DIP2C: variants seen among roughly 807,000 people sequenced by gnomAD.
DIP2C encodes DIP2 acetate--CoA ligase C (putative), also known as disco-interacting protein 2 homolog C.
A neutral mutation model predicts 192.4 loss-of-function variants in DIP2C; 33 were observed. The ratio of observed to expected loss-of-function variants is 0.17; its 90% CI spans 0.13 to 0.23. The LOEUF (loss-of-function observed/expected upper bound fraction) is 0.23. DIP2C is among the 10% of genes least tolerant of loss of function. DIP2C has a pLI of 1.00. For missense variants in DIP2C, 1,537 were observed against 2,110.1 expected, an observed-to-expected ratio of 0.73 and a Z score of 5.32; for synonymous variants, 979 against 864.1, an observed-to-expected ratio of 1.13 and a Z score of -2.33.
chr10:293,312 G>A (rs2132216554), intron 32 of DIP2C, among the ~76,000 whole-genome samples: 1 of 152,344 alleles, frequency 6.6e-6, no homozygotes, highest in South Asian at 2.1e-4. Flanking sequence ...CATTTCAAGG[G>A]GAGCAAACAG....
chr10:627,696 T>C (rs1854282137), intron 1 of DIP2C, among the ~76,000 whole-genome samples: 1 of 152,230 alleles, frequency 6.6e-6, no homozygotes, highest in Non-Finnish European at 1.5e-5. Flanking sequence ...CCTCAGACTT[T>C]TGAGATCGTT....
At chr10:553,046 G>A (rs1848662533) in intron 1 of DIP2C, among the ~76,000 whole-genome samples, 1 of 152,128 alleles carries the variant, frequency 6.6e-6, no homozygotes, top group South Asian at 2.1e-4. Context: ...TTTCTATTTT[G>A]CCTCCCACAC....
At position 472,500 on chromosome 10, in the gene DIP2C, G is replaced by A. The variant is rs1970711257; in HGVS notation, c.207C>T (p.Ser69=). The A allele has an allele frequency of 1.2e-6, 2 of 1,614,184 alleles. No individual in the cohort carries two copies. The highest frequency in any genetic ancestry group is 1.7e-6 in the Non-Finnish European group (2 of 1,180,040). Residue 69 remains serine (S), a synonymous_variant, in exon 3 of 37, where the codon TCC becomes TCT. Transcript: ENST00000280886. ...PQERRAPVTP[S]SASRYHRRRS... is the part of the protein sequence containing the mutation. ...GTCGGCGGTGGTAGCGAGAGGCGGA[G>A]GAAGGAGTGACAGGAGCCCGGCGTT...
intron 1 of DIP2C, among the ~76,000 whole-genome samples, chr10:627,237 C>T (rs986547177): frequency 1.3e-5 from 2 of 152,236 alleles, no homozygotes; most frequent in Non-Finnish European, 2.9e-5. Flanking sequence ...TCCCTCCAGG[C>T]GTCATGCCCC....
Position 651,366 on chromosome 10 carries a change from G to A in DIP2C, c.85+38128C>T, listed in dbSNP as rs181315415. 3.1e-4 allele frequency: 216 copies of A among 702,294 alleles called. 1 individual carries two copies. The highest frequency in any genetic ancestry group is 7.3e-4 in the African/African-American group (42 of 57,358). 43.5% of individuals were successfully genotyped at this position (702,294 alleles called of 1,614,324 possible). A position where few individuals can be genotyped will look rare whatever the true frequency, so the allele number is the denominator to read the frequency against. On this transcript the variant is annotated intron_variant, in intron 1 of 36. Transcript: ENST00000280886. This position sits in a 1 kb window ranked among gnomAD's most constrained non-coding sequence, Gnocchi z 4.1. ...TTTTGCATCCCCAGCACTGTGCTCA[G>A]GTCCCAGGGAGGCCCCAGCAAACTG...
Position 283,272 on chromosome 10 carries a change from C to G in DIP2C, c.4294G>C (p.Glu1432Gln). 1 of 1,613,630 alleles carries G rather than the reference C, an allele frequency of 6.2e-7. No homozygotes were observed. The highest frequency in any genetic ancestry group is 8.5e-7 in the Non-Finnish European group (1 of 1,179,730). Residue 1432 changes from glutamate (E) to glutamine (Q), a missense_variant and splice_region_variant, in exon 35 of 37, where the codon GAG (glutamate) becomes CAG (glutamine). Transcript: ENST00000280886. ...GGGGGCCGCCAGCCTGGACTCTCACCTCCATTTGCATCTGTGAGCTCAGTT... is the reference window on the plus strand; with the variant it reads ...GGGGGCCGCCAGCCTGGACTCTCACGTCCATTTGCATCTGTGAGCTCAGTT... ...RRTELTDANG[E>Q]RHDALYVVGA...
At chr10:396,844 G>A (rs1440815504) in intron 10 of DIP2C, among the ~76,000 whole-genome samples, 1 of 77,896 alleles carries the variant, frequency 1.3e-5, no homozygotes, top group Non-Finnish European at 3.3e-5. Context: ...GGGGAAACTG[G>A]CTGCAAATCC....
chr10:546,550 T>A (rs891377134), intron 1 of DIP2C, among the ~76,000 whole-genome samples: 1 of 152,252 alleles, frequency 6.6e-6, no homozygotes, highest in African/African-American at 2.4e-5. Flanking sequence ...GAAGTATTTT[T>A]CACTGTGCTT....
intron 2 of DIP2C, among the ~76,000 whole-genome samples, chr10:485,797 T>C (rs1033752977): frequency 5.9e-5 from 9 of 152,250 alleles, no homozygotes; most frequent in African/African-American, 1.9e-4. Context: ...CTTTAAGCCA[T>C]TCCTCAAGCC....
chr10:337,408 C>CTGTG (rs1296515709), intron 29 of DIP2C, among the ~76,000 whole-genome samples: 1 of 112,038 alleles, frequency 8.9e-6, no homozygotes, highest in Non-Finnish European at 1.8e-5. Context: ...GCCTACGTAG[C>CTGTG]TGTGTGTGTG....
intron 1 of DIP2C, among the ~76,000 whole-genome samples, chr10:577,861 A>C (rs544667351): frequency 6.6e-6 from 1 of 150,666 alleles, no homozygotes; most frequent in East Asian, 1.9e-4. Flanking sequence ...AAAGAACTTA[A>C]GAACCTTTTG....
chr10:619,522 G>GCCCGCCC (rs1491403255), intron 1 of DIP2C, among the ~76,000 whole-genome samples: 3 of 86,944 alleles, frequency 3.5e-5, no homozygotes, highest in African/African-American at 2.7e-4. Flanking sequence ...GCCAGGGCCA[G>GCCCGCCC]GACCAAGCCC....
At chr10:576,202 G>A (rs56737854) in intron 1 of DIP2C, among the ~76,000 whole-genome samples, 1 of 152,206 alleles carries the variant, frequency 6.6e-6, no homozygotes, top group Admixed American at 6.5e-5. Context: ...GGTATCAGTG[G>A]GGTTCTCCTG....
chr10:510,390 C>G (rs969944274), intron 1 of DIP2C, among the ~76,000 whole-genome samples: 1 of 152,250 alleles, frequency 6.6e-6, no homozygotes, highest in African/African-American at 2.4e-5. Flanking sequence ...CAGTTTTCTT[C>G]TCTCCTGCAC....
chr10:328,477 T>C (rs542745521), intron 30 of DIP2C, among the ~76,000 whole-genome samples: 2 of 152,358 alleles, frequency 1.3e-5, no homozygotes, highest in African/African-American at 2.4e-5. Context: ...ATACTGACCC[T>C]CAACTATGTC....
At chr10:662,755 T>C (rs1412578144) in intron 1 of DIP2C, 2 of 645,946 alleles carry the variant, frequency 3.1e-6, no homozygotes, top group African/African-American at 1.8e-5. Context: ...AAATCTAACT[T>C]ATCTTATTTC....
chr10:573,377 C>A (rs990807488), intron 1 of DIP2C, among the ~76,000 whole-genome samples: 14 of 152,212 alleles, frequency 9.2e-5, no homozygotes, highest in Non-Finnish European at 1.8e-4. Context: ...CTAGTTTACA[C>A]AGAGCGCAGC....
chr10:422,979 G>A lies in DIP2C; in HGVS notation c.449C>T (p.Thr150Ile). 1 of 1,614,150 alleles carries A rather than the reference G, an allele frequency of 6.2e-7. No individual in the cohort carries two copies. Among genetic ancestry groups the A allele is most frequent in the Non-Finnish European group, 8.5e-7 (1 of 1,180,012 alleles). Reference sequence around the variant, plus strand: ...GATGCTGCCCTGGCTGGAGGTGGGGGTGCCCTGGGAGTCCCCCTGCACTGA... The same window carrying A: ...GATGCTGCCCTGGCTGGAGGTGGGGATGCCCTGGGAGTCCCCCTGCACTGA... ...EGSVQGDSQGTPTSSQGSINM... is the reference protein window; with the variant it reads ...EGSVQGDSQGIPTSSQGSINM... Residue 150 changes from threonine (T) to isoleucine (I), a missense_variant, in exon 5 of 37, where the codon ACC (threonine) becomes ATC (isoleucine). Around this residue, in one of 4 missense-constraint regions of DIP2C, gnomAD observed 473 missense variants for 539.6 expected, o/e 0.88. Coordinates refer to ENST00000280886, the MANE Select transcript of DIP2C (RefSeq NM_014974.3).
chr10:398,114 C>T (rs1467450957), intron 10 of DIP2C, among the ~76,000 whole-genome samples: 1 of 152,232 alleles, frequency 6.6e-6, no homozygotes, highest in East Asian at 1.9e-4. Flanking sequence ...AAAGCTCTCT[C>T]TTGTGGGGAA....
Sources: allele counts gnomAD v4.1 joint callset (sites outside exome capture counted in the v4.1 genomes callset), GRCh38; gene constraint gnomAD v4.1.1; regional missense constraint gnomAD v4.1.1; non-coding constraint Gnocchi (gnomAD v3.1); transcripts MANE v1.5; gene names NCBI Gene and HGNC (gene_info 2026-07-23, HGNC 2026-07-21).